Variants in PRPSAP2 observed in about 807,000 individuals in gnomAD.
The protein encoded by PRPSAP2 is phosphoribosyl pyrophosphate synthase-associated protein 2.
A neutral mutation model predicts 40.6 loss-of-function variants in PRPSAP2; 24 were observed. That is an observed-to-expected ratio of 0.59 (90% CI 0.43 to 0.83). PRPSAP2 has a LOEUF of 0.83. PRPSAP2 is among the 40% of genes least tolerant of loss of function. The pLI is 0.00. For missense variants in PRPSAP2, 292 were observed against 465.6 expected (o/e 0.63, Z 3.43); for synonymous variants, 149 against 164.7 (o/e 0.90, Z 0.73).
At chr17:18,860,353 G>A (rs751394678) in intron 1 of PRPSAP2, among the ~76,000 whole-genome samples, 2 of 152,206 alleles carry the variant, frequency 1.3e-5, no homozygotes, top group East Asian at 1.9e-4. Context: ...ACTGCGCCTG[G>A]CCGGTTTTTA....
In PRPSAP2 at chr17:18,928,892, A is replaced by T. The variant is rs1402478969; in HGVS notation, c.886A>T (p.Met296Leu). ...KERGAYKIFVMATHGLLSSDA... is the reference protein window; with the variant it reads ...KERGAYKIFVLATHGLLSSDA... ...AAGAGGTGCATATAAGATCTTTGTGATGGCAACTCATGGCTTGTTGTCTTC... is the reference window on the plus strand; with the variant it reads ...AAGAGGTGCATATAAGATCTTTGTGTTGGCAACTCATGGCTTGTTGTCTTC... Residue 296 changes from methionine to leucine, a missense_variant, in exon 11 of 12, where the codon ATG (methionine) becomes TTG (leucine). Physicochemically the swap from Met to Leu is conservative, Grantham distance 15. This residue lies in a region of PRPSAP2 where 241 missense variants were observed against 425.7 expected (regional missense o/e 0.57). Transcript: ENST00000268835. 6.2e-7 allele frequency: 1 copy of T among 1,614,140 alleles called. No individual in the cohort carries two copies. The highest frequency in any genetic ancestry group is 1.7e-5 in the Admixed American group (1 of 60,014).
intron 10 of PRPSAP2, among the ~76,000 whole-genome samples, chr17:18,924,879 G>A (rs751520731): frequency 6.6e-6 from 1 of 152,134 alleles, no homozygotes; most frequent in Non-Finnish European, 1.5e-5. Context: ...CAGCACTTTG[G>A]GAGGCCAAGG....
intron 1 of PRPSAP2, among the ~76,000 whole-genome samples, chr17:18,864,032 T>G (rs2037249946): frequency 6.6e-6 from 1 of 151,036 alleles, no homozygotes; most frequent in Non-Finnish European, 1.5e-5. Context: ...TTTTGTATTT[T>G]TAGTAGAGAT....
intron 7 of PRPSAP2, among the ~76,000 whole-genome samples, chr17:18,883,656 G>A (rs1014364616): frequency 5.3e-5 from 8 of 151,942 alleles, no homozygotes; most frequent in Non-Finnish European, 1.5e-5. Context: ...AAAGTGCTGG[G>A]ATTACAGGCA....
intron 3 of PRPSAP2, 78 bp downstream of exon 3, chr17:18,866,030 G>A: frequency 2.8e-6 from 3 of 1,078,486 alleles, no homozygotes; most frequent in East Asian, 3.4e-5. Context: ...AGCAGTTATT[G>A]TTAAATTTGA....
intron 4 of PRPSAP2, among the ~76,000 whole-genome samples, chr17:18,871,528 TCA>T (rs1285642401): frequency 6.6e-6 from 1 of 152,196 alleles, no homozygotes; most frequent in Non-Finnish European, 1.5e-5. Flanking sequence ...TTATGACTGA[TCA>T]CACATATTTT....
At chr17:18,895,724 C>A (rs1284204081) in intron 8 of PRPSAP2, among the ~76,000 whole-genome samples, 1 of 152,016 alleles carries the variant, frequency 6.6e-6, no homozygotes, top group African/African-American at 2.4e-5. Context: ...CTCCTGGGTT[C>A]CAGCGATTCT....
chr17:18,897,991 CTTTTTTT>C (rs71155370), intron 8 of PRPSAP2, among the ~76,000 whole-genome samples: 2 of 116,332 alleles, frequency 1.7e-5, no homozygotes, highest in African/African-American at 3.2e-5. Flanking sequence ...AGAATTTTTG[CTTTTTTT>C]TTTTTTTTTT....
chr17:18,902,869 CAAAAAAA>C (rs58345106), intron 8 of PRPSAP2, among the ~76,000 whole-genome samples: 11 of 73,310 alleles, frequency 1.5e-4, no homozygotes, highest in East Asian at 5.1e-4. Flanking sequence ...AACTCCATCT[CAAAAAAA>C]AAAAAAAAAA....
At chr17:18,904,564 G>T (rs1221290824) in intron 8 of PRPSAP2, 1 of 152,114 alleles carries the variant, frequency 6.6e-6, no homozygotes, top group Non-Finnish European at 1.5e-5. Flanking sequence ...ACAGGCGTGA[G>T]CCACTGTGTT....
chr17:18,924,330 G>A (rs2151972157), intron 10 of PRPSAP2, among the ~76,000 whole-genome samples: 1 of 152,332 alleles, frequency 6.6e-6, no homozygotes, highest in Middle Eastern at 3.4e-3. Flanking sequence ...GTGAGCCACT[G>A]CACCTGGCCA....
chr17:18,917,717 G>A (rs1232633960), intron 9 of PRPSAP2, among the ~76,000 whole-genome samples: 2 of 148,768 alleles, frequency 1.3e-5, no homozygotes, highest in East Asian at 2.0e-4. Flanking sequence ...GATTACAGGC[G>A]CCCGGCCAAG....
At chr17:18,869,503 A>ATTTTT in intron 4 of PRPSAP2, among the ~76,000 whole-genome samples, 2 of 128,488 alleles carry the variant, frequency 1.6e-5, no homozygotes, top group East Asian at 4.3e-4. Flanking sequence ...CTGCCAGGCT[A>ATTTTT]TTTTTTTTTT....
At chr17:18,921,985 C>T (rs1370379749) in intron 9 of PRPSAP2, among the ~76,000 whole-genome samples, 1 of 152,184 alleles carries the variant, frequency 6.6e-6, no homozygotes, top group Non-Finnish European at 1.5e-5. Context: ...TTTCACCATG[C>T]CCCCATCCCC....
chr17:18,870,216 A>C (rs1435704182), intron 4 of PRPSAP2, among the ~76,000 whole-genome samples: 1 of 152,148 alleles, frequency 6.6e-6, no homozygotes. Context: ...TTGCCATATG[A>C]ATATGTATGT....
Position 18,919,507 on chromosome 17 carries a change from C to CA in PRPSAP2, c.734-4394dup, listed in dbSNP as rs879402302. ...TGGGCAACACAGTGAGACTACCTCTCAAAAAAAAAAAAATTAGCCAGGCAT... is the reference window on the plus strand; with the variant it reads ...TGGGCAACACAGTGAGACTACCTCTCAAAAAAAAAAAAAATTAGCCAGGCAT... On this transcript the variant is annotated intron_variant, in intron 9 of 11. Transcript: ENST00000268835. Among the ~76,000 whole-genome samples, 368 of 126,352 alleles carry CA rather than the reference C, an allele frequency of 2.9e-3. 1 individual carries two copies. Among genetic ancestry groups the CA allele is most frequent in the African/African-American group, 7.0e-3 (236 of 33,864 alleles). 82.9% of individuals were successfully genotyped at this position (126,352 alleles called of 152,430 possible). A position where few individuals can be genotyped will look rare whatever the true frequency, so the allele number is the denominator to read the frequency against.
chr17:18,893,085 G>A (rs2039675883), intron 8 of PRPSAP2, among the ~76,000 whole-genome samples: 2 of 150,762 alleles, frequency 1.3e-5, no homozygotes, highest in Admixed American at 6.6e-5. Flanking sequence ...TCTGCAGATT[G>A]TCTTTTCACT....
At chr17:18,927,983 C>G (rs1276313614) in intron 10 of PRPSAP2, among the ~76,000 whole-genome samples, 1 of 152,012 alleles carries the variant, frequency 6.6e-6, no homozygotes, top group African/African-American at 2.4e-5. Flanking sequence ...TGGGTTTCGT[C>G]ATGTTGCTCA....
chr17:18,867,411 T>C (rs2037513102), intron 4 of PRPSAP2, 77 bp downstream of exon 4: 1 of 1,487,920 alleles, frequency 6.7e-7, no homozygotes, highest in South Asian at 1.1e-5. Flanking sequence ...CATCCTTTAC[T>C]ATTGAAACGA....
Sources: gnomAD v4.1 joint callset for allele counts (sites outside exome capture counted in the v4.1 genomes callset) on GRCh38, gnomAD v4.1.1 for gene constraint, gnomAD v4.1.1 regional missense constraint, MANE v1.5 for transcripts, NCBI Gene and HGNC (gene_info 2026-07-23, HGNC 2026-07-21) for gene names.